MAD1L1: variants seen among roughly 807,000 people sequenced by gnomAD.
MAD1L1 encodes the protein mitotic arrest deficient 1 like 1, also known as mitotic spindle assembly checkpoint protein MAD1.
In MAD1L1, 95 loss-of-function variants were observed where a neutral mutation model predicts 96.9. That is an observed-to-expected ratio of 0.98 (90% CI 0.83 to 1.16). The LOEUF is 1.16. MAD1L1 is among the 50% of genes most tolerant of loss of function. MAD1L1 has a pLI of 0.00. For missense variants in MAD1L1, 1,007 were observed against 954.4 expected (o/e 1.06, Z -0.73); for synonymous variants, 473 against 396.6 (o/e 1.19, Z -2.29).
intron 18 of MAD1L1, among the ~76,000 whole-genome samples, chr7:1,881,751 T>C (rs1394667898): frequency 1.3e-5 from 2 of 152,084 alleles, no homozygotes; most frequent in African/African-American, 4.8e-5. Flanking sequence ...GACATGAAGA[T>C]GTGGGGAGGC....
chr7:2,084,572 G>T (rs928854372), intron 11 of MAD1L1, among the ~76,000 whole-genome samples: 1 of 152,250 alleles, frequency 6.6e-6, no homozygotes, highest in African/African-American at 2.4e-5. Flanking sequence ...TCAGTGCGGA[G>T]TCCTAGCCCA....
intron 11 of MAD1L1, among the ~76,000 whole-genome samples, chr7:2,080,888 A>AG (rs1785607576): frequency 6.6e-6 from 1 of 152,184 alleles, no homozygotes; most frequent in South Asian, 2.1e-4. Flanking sequence ...GTGGCATTCC[A>AG]GGGGACCTGG....
intron 11 of MAD1L1, among the ~76,000 whole-genome samples, chr7:2,116,565 G>GT (rs1422287157): frequency 2.3e-5 from 3 of 130,212 alleles, no homozygotes; most frequent in Admixed American, 1.6e-4. Context: ...AGGCCAGAGG[G>GT]TTGGGGGGGG....
chr7:2,127,662 A>T (rs1185532903), intron 11 of MAD1L1, among the ~76,000 whole-genome samples: 1 of 152,118 alleles, frequency 6.6e-6, no homozygotes, highest in Admixed American at 6.5e-5. Context: ...AGAGGAGCGG[A>T]CCCACAGGAA....
chr7:1,939,742 C>T (rs868092477), intron 16 of MAD1L1, among the ~76,000 whole-genome samples: 28 of 152,356 alleles, frequency 1.8e-4, no homozygotes, highest in African/African-American at 5.5e-4. Flanking sequence ...ACACACCCCA[C>T]GGGGTGAAGA....
intron 11 of MAD1L1, among the ~76,000 whole-genome samples, chr7:2,098,410 C>T (rs774287701): frequency 1.3e-5 from 2 of 152,216 alleles, no homozygotes; most frequent in African/African-American, 4.8e-5. Context: ...GACAACCAGA[C>T]ACAAAGTGGG....
At chr7:1,998,273 T>A (rs866467851) in intron 14 of MAD1L1, among the ~76,000 whole-genome samples, 1 of 152,018 alleles carries the variant, frequency 6.6e-6, no homozygotes, top group South Asian at 2.1e-4. Flanking sequence ...AGTGAGCAGC[T>A]CCTCCAAAAC....
chr7:2,227,847 C>T (rs935762184), intron 3 of MAD1L1, among the ~76,000 whole-genome samples: 1 of 152,172 alleles, frequency 6.6e-6, no homozygotes, highest in African/African-American at 2.4e-5. Flanking sequence ...ACCAGGAGTC[C>T]CAGACACACC....
Position 1,980,550 on chromosome 7 carries a change from A to AAGCAAAGGATAGAGGGTC in MAD1L1, c.1417-27_1417-10dup. The AAGCAAAGGATAGAGGGTC allele has an allele frequency of 6.2e-7, 1 of 1,607,508 alleles. No homozygotes were observed. Among genetic ancestry groups the AAGCAAAGGATAGAGGGTC allele is most frequent in the Non-Finnish European group, 8.5e-7 (1 of 1,176,772 alleles). ...TTCAGCTCCATCTCCAGCTAGGAGA[A>AAGCAAAGGATAGAGGGTC]AGCAAAGGATAGAGGGTCAGCAGAC... On this transcript the variant is annotated splice_polypyrimidine_tract_variant and intron_variant, in intron 14 of 18. Coordinates refer to ENST00000265854, the MANE Select transcript of MAD1L1 (RefSeq NM_001013836.2).
intron 18 of MAD1L1, among the ~76,000 whole-genome samples, chr7:1,820,949 C>T (rs1399354962): frequency 6.6e-6 from 1 of 151,596 alleles, no homozygotes. Context: ...GGTGTGGTGG[C>T]GGGTGCCTGT....
intron 11 of MAD1L1, among the ~76,000 whole-genome samples, chr7:2,073,132 C>T (rs892174366): frequency 6.6e-6 from 1 of 152,184 alleles, no homozygotes; most frequent in East Asian, 1.9e-4. Flanking sequence ...CGGCAGGCAC[C>T]GAGGCGCCCC....
chr7:2,053,496 G>A (rs1222636739), intron 12 of MAD1L1, among the ~76,000 whole-genome samples: 12 of 152,240 alleles, frequency 7.9e-5, no homozygotes, highest in East Asian at 3.9e-4. Flanking sequence ...GCTATGAGCC[G>A]GACGCCGGGG....
rs533219489 is a variant in MAD1L1 at position 1,943,489 on chromosome 7, C to T, written c.1597-6592G>A. Among the ~76,000 whole-genome samples, 3 of 152,342 alleles carry T rather than the reference C, an allele frequency of 2.0e-5. No individual in the cohort carries two copies. The South Asian group carries it at 6.2e-4, about 32-fold the overall frequency. ...AATGGGCAAGGCATCTGAAGACAGA[C>T]TTCTATGAGTTCAATAGACACATGA... On this transcript the variant is annotated intron_variant, in intron 16 of 18. Coordinates refer to ENST00000265854, the MANE Select transcript of MAD1L1 (RefSeq NM_001013836.2).
chr7:2,094,743 A>AG (rs1786394337), intron 11 of MAD1L1, among the ~76,000 whole-genome samples: 1 of 152,190 alleles, frequency 6.6e-6, no homozygotes, highest in African/African-American at 2.4e-5. Flanking sequence ...GCAGGTGCAA[A>AG]GCAGCAAGGG....
chr7:2,055,808 G>A (rs779596698), intron 12 of MAD1L1, among the ~76,000 whole-genome samples: 43 of 151,494 alleles, frequency 2.8e-4, no homozygotes, highest in Admixed American at 9.2e-4. Context: ...GCAAAACCCC[G>A]TCTCTACTAC....
rs141797207 is a variant in MAD1L1 at position 1,844,138 on chromosome 7, C to T, written c.1999-27910G>A. ...GGCTGGTGTCACGGAGCCTCACACA[C>T]GGCTGAACCGCTTAACTCACATCCA... On this transcript the variant is annotated intron_variant, in intron 18 of 18. Transcript: ENST00000265854. The T allele has an allele frequency of 4.2e-3, 648 of 154,640 alleles. 3 individuals are homozygous for T. The highest frequency in any genetic ancestry group is 0.014 in the African/African-American group (603 of 41,650). The allele number at this position is 154,640 out of a possible 1,614,324, so 9.6% of individuals were successfully genotyped here.
chr7:2,034,352 G>A (rs547699630), intron 12 of MAD1L1, among the ~76,000 whole-genome samples: 1 of 151,932 alleles, frequency 6.6e-6, no homozygotes, highest in Non-Finnish European at 1.5e-5. Flanking sequence ...GAGTAGGTGG[G>A]ACTACAGGCA....
intron 12 of MAD1L1, among the ~76,000 whole-genome samples, chr7:2,018,247 G>A (rs1289257070): frequency 3.9e-5 from 6 of 152,234 alleles, no homozygotes; most frequent in African/African-American, 1.4e-4. Flanking sequence ...CTCTCTGAGT[G>A]TGAGGACACT....
intron 12 of MAD1L1, among the ~76,000 whole-genome samples, chr7:2,027,900 C>A (rs1162362708): frequency 6.6e-6 from 1 of 152,092 alleles, no homozygotes; most frequent in Non-Finnish European, 1.5e-5. Flanking sequence ...ATCAAGAAGA[C>A]AATGAAAGCT....
Sources: allele counts gnomAD v4.1 joint callset (sites outside exome capture counted in the v4.1 genomes callset), GRCh38; gene constraint gnomAD v4.1.1; transcripts MANE v1.5; gene names NCBI Gene and HGNC (gene_info 2026-07-23, HGNC 2026-07-21).